The following KIF21A variants were observed in gnomAD, a reference collection of about 807,000 sequenced individuals.
The protein encoded by KIF21A is kinesin family member 21A, also known as kinesin-like protein KIF21A.
Under a neutral mutation model 202.9 loss-of-function variants are expected in KIF21A, and 114 were observed. That is an observed-to-expected ratio of 0.56 (90% CI 0.48 to 0.66). The LOEUF (loss-of-function observed/expected upper bound fraction) is 0.66, where lower values mean the gene tolerates loss of function less well. KIF21A is among the 30% of genes least tolerant of loss of function. The pLI, the probability that KIF21A is intolerant of heterozygous loss-of-function variation, is 0.00. For synonymous variants in KIF21A, 667 were observed against 670.8 expected (o/e 0.99, Z 0.09); for missense variants, 1,677 against 1,994.9 (o/e 0.84, Z 3.04).
chr12:39,316,829 A>C (rs1368649129), intron 29 of KIF21A, among the ~76,000 whole-genome samples: 1 of 152,188 alleles, frequency 6.6e-6, no homozygotes, highest in African/African-American at 2.4e-5. Flanking sequence ...TAGTTTATAG[A>C]GATGACAACA....
In KIF21A at chr12:39,309,505, C is replaced by G. The variant is rs1943802407; in HGVS notation, c.4277+81G>C. ...CAAAAATTAAAATGCATTTATAGTC[C>G]TCTCTTTTCTTATATTTGTAAAAAA... On this transcript the variant is annotated intron_variant, in intron 33 of 37. Transcript: ENST00000361418. 5.0e-6 allele frequency: 5 copies of G among 998,496 alleles called. No individual in the cohort carries two copies. The East Asian group carries it at 1.3e-4, about 26-fold the overall frequency. 61.9% of individuals were successfully genotyped at this position (998,496 alleles called of 1,614,324 possible). A position where few individuals can be genotyped will look rare whatever the true frequency, so the allele number is the denominator to read the frequency against.
intron 1 of KIF21A, among the ~76,000 whole-genome samples, chr12:39,389,703 G>C (rs2139622077): frequency 6.6e-6 from 1 of 152,274 alleles, no homozygotes; most frequent in South Asian, 2.1e-4. Flanking sequence ...CTTCTTCTAG[G>C]AGCAGTACAA....
chr12:39,318,112 A>G lies in KIF21A; in HGVS notation c.3869T>C (p.Leu1290Pro), dbSNP rs1944773853. 1 of 1,613,538 alleles carries G rather than the reference A, an allele frequency of 6.2e-7. No individual in the cohort carries two copies. Among genetic ancestry groups the G allele is most frequent in the African/African-American group, 1.3e-5 (1 of 75,020 alleles). Reference protein sequence around the residue: ...PRNELNVFNRLTVSQGNTSVQ... With the variant: ...PRNELNVFNRPTVSQGNTSVQ... ...TGATGTGTTTCCCTGAGAAACAGTA[A>G]GACGATTAAAAACATTCAGTTCATT... Residue 1290 changes from leucine (L) to proline (P), a missense_variant, in exon 29 of 38, where the codon CTT becomes CCT. Around this residue, in one of 3 missense-constraint regions of KIF21A, gnomAD observed 705 missense variants for 791.9 expected, o/e 0.89. Transcript: ENST00000361418.
chr12:39,334,674 T>A (rs1257544310), intron 17 of KIF21A, among the ~76,000 whole-genome samples: 1 of 152,222 alleles, frequency 6.6e-6, no homozygotes, highest in Non-Finnish European at 1.5e-5. Context: ...AATGTCACCC[T>A]GAACTTTCTA....
At chr12:39,348,902 A>G (rs1449804406) in intron 11 of KIF21A, among the ~76,000 whole-genome samples, 1 of 152,094 alleles carries the variant, frequency 6.6e-6, no homozygotes, top group Non-Finnish European at 1.5e-5. Flanking sequence ...AAAATTCCAA[A>G]TACCCCTACA....
Position 39,309,757 on chromosome 12 carries a change from C to T in KIF21A, c.4106G>A (p.Cys1369Tyr). The T allele has an allele frequency of 6.2e-7, 1 of 1,612,700 alleles. No individual in the cohort carries two copies. The highest frequency in any genetic ancestry group is 8.5e-7 in the Non-Finnish European group (1 of 1,179,444). Residue 1369 changes from cysteine to tyrosine, a missense_variant, in exon 33 of 38, where the codon TGT becomes TAT. Coordinates refer to ENST00000361418, the MANE Select transcript of KIF21A (RefSeq NM_001173464.2). ...LLFTGSKDRT[C>Y]KVWNLVTGQE... ...CCCAGTCACCAGATTCCATACTTTA[C>T]AAGTACGATCTAAAACAAACACATA...
At chr12:39,380,991 A>G (rs1319723692) in intron 1 of KIF21A, among the ~76,000 whole-genome samples, 1 of 152,166 alleles carries the variant, frequency 6.6e-6, no homozygotes, top group Non-Finnish European at 1.5e-5. Context: ...TATACTCTTC[A>G]TAATAGTATA....
chr12:39,416,717 ATATATGTACATATATATGTG>A (rs1953707852), intron 1 of KIF21A, among the ~76,000 whole-genome samples: 1 of 117,454 alleles, frequency 8.5e-6, no homozygotes, highest in Non-Finnish European at 1.8e-5. Context: ...ATATGTGTGT[ATATATGTACATATATATGTG>A]TATATATATA....
Position 39,442,975 on chromosome 12 carries a change from G to A in KIF21A, c.-5C>T, listed in dbSNP as rs1259322138. 1 of 1,519,972 alleles carries A rather than the reference G, an allele frequency of 6.6e-7. No homozygotes were observed. The highest frequency in any genetic ancestry group is 1.2e-5 in the South Asian group (1 of 82,314). The allele number at this position is 1,519,972 out of a possible 1,614,324, so 94.2% of individuals were successfully genotyped here. ...CTCGTCCGGGGCGCCCAACATGCTG[G>A]CGGCGGGCAGCGATCGAGCCGTTGG... On this transcript the variant is annotated 5_prime_UTR_variant, in exon 1 of 38. Coordinates refer to ENST00000361418, the MANE Select transcript of KIF21A (RefSeq NM_001173464.2). This position sits in a 1 kb window ranked among gnomAD's most constrained non-coding sequence, Gnocchi z 5.0.
chr12:39,435,316 G>T (rs1938532553), intron 1 of KIF21A, among the ~76,000 whole-genome samples: 1 of 152,152 alleles, frequency 6.6e-6, no homozygotes, highest in East Asian at 1.9e-4. Flanking sequence ...TTGTAATAGT[G>T]CTTAAATATT....
intron 1 of KIF21A, among the ~76,000 whole-genome samples, chr12:39,373,788 T>C (rs942080290): frequency 2.6e-5 from 4 of 152,242 alleles, no homozygotes; most frequent in African/African-American, 9.6e-5. Flanking sequence ...CTTTAACTTA[T>C]TCTCTTAACC....
In KIF21A at chr12:39,442,991, G is replaced by A; in HGVS notation, c.-21C>T. ...AACATGCTGGCGGCGGGCAGCGATCGAGCCGTTGGGCCTCGGCACCGCAGA... is the reference window on the plus strand; with the variant it reads ...AACATGCTGGCGGCGGGCAGCGATCAAGCCGTTGGGCCTCGGCACCGCAGA... On this transcript the variant is annotated 5_prime_UTR_variant, in exon 1 of 38. Transcript: ENST00000361418. This position sits in a 1 kb window ranked among gnomAD's most constrained non-coding sequence, Gnocchi z 5.0. The A allele has an allele frequency of 6.6e-7, 1 of 1,517,832 alleles. No homozygotes were observed. Among genetic ancestry groups the A allele is most frequent in the African/African-American group, 1.4e-5 (1 of 70,138 alleles). 94.0% of individuals were successfully genotyped at this position (1,517,832 alleles called of 1,614,324 possible).
intron 24 of KIF21A, 42 bp downstream of exon 24, chr12:39,330,200 T>C (rs751959753): frequency 1.1e-5 from 18 of 1,566,278 alleles, no homozygotes; most frequent in Middle Eastern, 1.7e-4. Context: ...CAATTAGTAA[T>C]TCATGCAGCT....
chr12:39,381,071 T>TGA (rs1218735161), intron 1 of KIF21A, among the ~76,000 whole-genome samples: 1 of 152,000 alleles, frequency 6.6e-6, no homozygotes, highest in African/African-American at 2.4e-5. Flanking sequence ...TTTGGGAGGC[T>TGA]GAGGAGGGTG....
rs188454652 is a variant in KIF21A, at chr12:39,333,428, G to A, written c.2419-148C>T. On this transcript the variant is annotated intron_variant, in intron 17 of 37. Transcript: ENST00000361418. Reference sequence around the variant, plus strand: ...AACAACCTTGTATATATTATTACAGGTACAGCTATTTTATTCCAACAAACA... The same window carrying A: ...AACAACCTTGTATATATTATTACAGATACAGCTATTTTATTCCAACAAACA... 3.3e-3 allele frequency: 2,153 copies of A among 658,100 alleles called. 11 individuals carry two copies. Among genetic ancestry groups the A allele is most frequent in the South Asian group, 0.012 (663 of 56,474 alleles). The allele number at this position is 658,100 out of a possible 1,614,324, so 40.8% of individuals were successfully genotyped here. A position where few individuals can be genotyped will look rare whatever the true frequency, so the allele number is the denominator to read the frequency against.
chr12:39,374,524 C>T (rs1034533707), intron 1 of KIF21A, among the ~76,000 whole-genome samples: 1 of 152,022 alleles, frequency 6.6e-6, no homozygotes, highest in African/African-American at 2.4e-5. Flanking sequence ...TAAAGACAAA[C>T]AATTACGGAC....
At chr12:39,295,692 G>GTTTT (rs1054983568) in intron 37 of KIF21A, among the ~76,000 whole-genome samples, 19 of 78,128 alleles carry the variant, frequency 2.4e-4, no homozygotes, top group South Asian at 1.1e-3. Flanking sequence ...CTTGGGATAT[G>GTTTT]TTTTTTTTTT....
chr12:39,329,647 G>T (rs1268417429), intron 24 of KIF21A, among the ~76,000 whole-genome samples: 1 of 151,806 alleles, frequency 6.6e-6, no homozygotes, highest in African/African-American at 2.4e-5. Flanking sequence ...GGAAGGAGGA[G>T]GCAAAGAAAC....
At chr12:39,433,656 A>G (rs1938271743) in intron 1 of KIF21A, among the ~76,000 whole-genome samples, 1 of 152,348 alleles carries the variant, frequency 6.6e-6, no homozygotes, top group Non-Finnish European at 1.5e-5. Context: ...TTAATCTCAC[A>G]AAGTATATGC....
Sources: gnomAD v4.1 joint callset for allele counts (sites outside exome capture counted in the v4.1 genomes callset) on GRCh38, gnomAD v4.1.1 for gene constraint, gnomAD v4.1.1 regional missense constraint, Gnocchi (gnomAD v3.1) non-coding constraint, MANE v1.5 for transcripts, NCBI Gene and HGNC (gene_info 2026-07-23, HGNC 2026-07-21) for gene names.